Variants in ST6GALNAC5 observed in about 807,000 individuals in gnomAD.
The protein encoded by ST6GALNAC5 is ST6 N-acetylgalactosaminide alpha-2,6-sialyltransferase 5.
A neutral mutation model predicts 33.6 loss-of-function variants in ST6GALNAC5; 27 were observed. The ratio of observed to expected loss-of-function variants is 0.80; its 90% confidence interval spans 0.59 to 1.11. The LOEUF is 1.11. Ranked by LOEUF, ST6GALNAC5 falls within the 50% of genes least tolerant of loss-of-function variation. The probability of loss-of-function intolerance (pLI) is 0.00; values close to 1 mark genes in which losing one functional copy is unlikely to be tolerated. For synonymous variants in ST6GALNAC5, 194 were observed against 171.2 expected, an observed-to-expected ratio of 1.13 and a Z score of -1.04; for missense variants, 428 against 454.0, an observed-to-expected ratio of 0.94 and a Z score of 0.52.
At chr1:77,055,038 G>T (rs1244753695) in intron 4 of ST6GALNAC5, among the ~76,000 whole-genome samples, 1 of 151,762 alleles carries the variant, frequency 6.6e-6, no homozygotes, top group Non-Finnish European at 1.5e-5. Flanking sequence ...TGGCCTCCTG[G>T]ACTGCTCTCT....
chr1:76,956,705 A>G (rs1286405659), intron 2 of ST6GALNAC5, among the ~76,000 whole-genome samples: 1 of 151,928 alleles, frequency 6.6e-6, no homozygotes, highest in African/African-American at 2.4e-5. Flanking sequence ...ACTCACTTCT[A>G]CTGAAGGCCA....
At chr1:77,012,194 A>C (rs1201034485) in intron 2 of ST6GALNAC5, among the ~76,000 whole-genome samples, 2 of 152,192 alleles carry the variant, frequency 1.3e-5, no homozygotes, top group African/African-American at 4.8e-5. Context: ...AGGGAAAGAA[A>C]GATGCCTTCT....
intron 2 of ST6GALNAC5, among the ~76,000 whole-genome samples, chr1:77,040,042 G>A (rs1317544825): frequency 6.6e-6 from 1 of 152,174 alleles, no homozygotes; most frequent in Non-Finnish European, 1.5e-5. Context: ...AGACACTAAA[G>A]GTTATAATGG....
At chr1:77,018,375 G>A (rs376679445) in intron 2 of ST6GALNAC5, among the ~76,000 whole-genome samples, 1 of 152,310 alleles carries the variant, frequency 6.6e-6, no homozygotes, top group East Asian at 1.9e-4. Context: ...CATGCACGAG[G>A]CACTGTGCCA....
intron 2 of ST6GALNAC5, among the ~76,000 whole-genome samples, chr1:76,923,523 T>C (rs1025304832): frequency 1.3e-5 from 2 of 151,990 alleles, no homozygotes; most frequent in Non-Finnish European, 2.9e-5. Flanking sequence ...TGAAACCCCG[T>C]CTGTACTAAA....
At chr1:76,948,337 C>G (rs1407555381) in intron 2 of ST6GALNAC5, among the ~76,000 whole-genome samples, 1 of 152,132 alleles carries the variant, frequency 6.6e-6, no homozygotes, top group South Asian at 2.1e-4. Flanking sequence ...CTTCTAGCTC[C>G]CTTAAGCTCA....
At chr1:76,944,642 GC>G (rs1173227686) in intron 2 of ST6GALNAC5, among the ~76,000 whole-genome samples, 1 of 152,070 alleles carries the variant, frequency 6.6e-6, no homozygotes, top group Non-Finnish European at 1.5e-5. Context: ...TGAAGAATGA[GC>G]CTTCCAGACG....
chr1:76,868,497 C>A lies in ST6GALNAC5; in HGVS notation c.16C>A (p.Arg6Ser), dbSNP rs766577128. The change falls in exon 2 of 5, where the codon CGC (arginine) becomes AGC (serine). Residue 6 changes from arginine to serine, a missense_variant and splice_region_variant. Arg to Ser is a moderately radical substitution (Grantham distance 110). Transcript: ENST00000477717. The surrounding 1 kb of genome is among the most constrained non-coding windows in gnomAD (Gnocchi z 4.3). MKTLM[R>S]HGLAVCLALT... Reference sequence around the variant, plus strand: ...TCTTCTCTCTCCCGCCCGCCCGCAGCGCCATGGTCTGGCAGTGTGTTTAGC... The same window carrying A: ...TCTTCTCTCTCCCGCCCGCCCGCAGAGCCATGGTCTGGCAGTGTGTTTAGC... 2 of 1,600,290 alleles carry A rather than the reference C, an allele frequency of 1.2e-6. No individual in the cohort carries two copies. Among genetic ancestry groups the A allele is most frequent in the East Asian group, 4.5e-5 (2 of 44,196 alleles).
In ST6GALNAC5 at chr1:77,066,568, A is replaced by G. The variant is rs543015482; in HGVS notation, c.*3362A>G. On this transcript the variant is annotated 3_prime_UTR_variant, in exon 5 of 5. Coordinates refer to ENST00000477717, the MANE Select transcript of ST6GALNAC5 (RefSeq NM_030965.3). ...TTAAAGGCACATGCACCCATTTAGT[A>G]CCTGCCTAAATATTTGCCCTTGTGT... 2.2e-4 allele frequency among the ~76,000 whole-genome samples: 33 copies of G among 152,346 alleles called. No individual in the cohort carries two copies. The highest frequency in any genetic ancestry group is 1.2e-3 in the Admixed American group (19 of 15,296).
intron 2 of ST6GALNAC5, among the ~76,000 whole-genome samples, chr1:76,942,695 C>T (rs1473545304): frequency 2.0e-5 from 3 of 152,088 alleles, no homozygotes; most frequent in African/African-American, 7.2e-5. Flanking sequence ...TTAGACTCTT[C>T]TCTCTCCCAG....
intron 2 of ST6GALNAC5, among the ~76,000 whole-genome samples, chr1:76,968,005 T>C (rs1259302670): frequency 6.6e-6 from 1 of 152,170 alleles, no homozygotes; most frequent in African/African-American, 2.4e-5. Flanking sequence ...CTTCCAACTA[T>C]GTGGTCAAGT....
chr1:77,016,571 C>A (rs1163521324), intron 2 of ST6GALNAC5, among the ~76,000 whole-genome samples: 2 of 151,844 alleles, frequency 1.3e-5, no homozygotes, highest in East Asian at 3.9e-4. Flanking sequence ...GTGATCTGAT[C>A]AAAGTCACTT....
At chr1:76,903,618 A>C (rs1264666743) in intron 2 of ST6GALNAC5, among the ~76,000 whole-genome samples, 1 of 152,216 alleles carries the variant, frequency 6.6e-6, no homozygotes, top group African/African-American at 2.4e-5. Context: ...CATAACAATC[A>C]TAAGGTAGAA....
At chr1:76,952,432 C>G (rs1647786916) in intron 2 of ST6GALNAC5, among the ~76,000 whole-genome samples, 1 of 151,938 alleles carries the variant, frequency 6.6e-6, no homozygotes, top group Non-Finnish European at 1.5e-5. Context: ...TGTGGGGTCC[C>G]CATGATGAGA....
At chr1:76,884,467 C>A (rs1421584025) in intron 2 of ST6GALNAC5, among the ~76,000 whole-genome samples, 3 of 152,114 alleles carry the variant, frequency 2.0e-5, no homozygotes, top group Admixed American at 1.3e-4. Flanking sequence ...GGACAGCCAG[C>A]CAGTGGGGTG....
At chr1:76,982,299 C>G (rs1649288928) in intron 2 of ST6GALNAC5, among the ~76,000 whole-genome samples, 1 of 152,104 alleles carries the variant, frequency 6.6e-6, no homozygotes, top group African/African-American at 2.4e-5. Flanking sequence ...CTAGAATAAA[C>G]AGTAAAGAGA....
At chr1:76,949,300 C>T (rs1484556585) in intron 2 of ST6GALNAC5, among the ~76,000 whole-genome samples, 1 of 152,124 alleles carries the variant, frequency 6.6e-6, no homozygotes, top group Non-Finnish European at 1.5e-5. Flanking sequence ...TCAGAACTTA[C>T]TGGGGTTGAG....
intron 2 of ST6GALNAC5, among the ~76,000 whole-genome samples, chr1:76,991,914 C>A (rs1218443519): frequency 6.6e-6 from 1 of 152,038 alleles, no homozygotes; most frequent in Non-Finnish European, 1.5e-5. Flanking sequence ...TATTTCATGG[C>A]CTTCATTTTT....
intron 2 of ST6GALNAC5, among the ~76,000 whole-genome samples, chr1:76,901,496 T>C (rs1183216651): frequency 6.6e-6 from 1 of 152,230 alleles, no homozygotes; most frequent in Non-Finnish European, 1.5e-5. Flanking sequence ...ATCATTTTAG[T>C]GCTTTTATTA....
Sources: allele counts gnomAD v4.1 joint callset (sites outside exome capture counted in the v4.1 genomes callset), GRCh38; gene constraint gnomAD v4.1.1; non-coding constraint Gnocchi (gnomAD v3.1); transcripts MANE v1.5; gene names NCBI Gene and HGNC (gene_info 2026-07-23, HGNC 2026-07-21).